Variants in ALG14 observed in about 807,000 individuals in gnomAD.
The protein encoded by ALG14 is ALG14 UDP-N-acetylglucosaminyltransferase subunit, also known as UDP-N-acetylglucosamine transferase subunit ALG14.
A neutral mutation model predicts 22.8 loss-of-function variants in ALG14; 17 were observed. The ratio of observed to expected loss-of-function variants is 0.75; its 90% CI spans 0.51 to 1.12. ALG14 has a LOEUF of 1.12. Ranked by LOEUF, ALG14 falls within the 50% of genes most tolerant of loss-of-function variation. The pLI is 0.00. For missense variants in ALG14, 288 were observed against 271.8 expected, an observed-to-expected ratio of 1.06 and a Z score of -0.42; for synonymous variants, 89 against 103.7, an observed-to-expected ratio of 0.86 and a Z score of 0.86.
chr1:95,063,982 G>C (rs1484803653), intron 2 of ALG14, among the ~76,000 whole-genome samples: 1 of 152,130 alleles, frequency 6.6e-6, no homozygotes, highest in African/African-American at 2.4e-5. Context: ...AGCTCTCCTT[G>C]AAGAGGTCCT....
intron 3 of ALG14, among the ~76,000 whole-genome samples, chr1:95,017,850 C>A (rs1673546667): frequency 6.6e-6 from 1 of 152,158 alleles, no homozygotes; most frequent in South Asian, 2.1e-4. Flanking sequence ...GGCACTGGAG[C>A]TCCAAGGATC....
At chr1:95,068,885 A>C (rs749501804) in intron 1 of ALG14, among the ~76,000 whole-genome samples, 1 of 152,180 alleles carries the variant, frequency 6.6e-6, no homozygotes, top group Non-Finnish European at 1.5e-5. Context: ...CATTTGTTCA[A>C]GTCAGAAACC....
chr1:95,068,867 C>A (rs1243019659), intron 1 of ALG14, among the ~76,000 whole-genome samples: 1 of 152,158 alleles, frequency 6.6e-6, no homozygotes, highest in African/African-American at 2.4e-5. Flanking sequence ...ATGGTTCTAA[C>A]ATCCATCCAT....
At chr1:95,029,931 C>T (rs1191444130) in intron 2 of ALG14, among the ~76,000 whole-genome samples, 1 of 152,126 alleles carries the variant, frequency 6.6e-6, no homozygotes, top group East Asian at 1.9e-4. Context: ...AGCTAAGGTA[C>T]TAAATATTGA....
At chr1:95,070,515 T>C (rs1018253991) in intron 1 of ALG14, among the ~76,000 whole-genome samples, 1 of 152,232 alleles carries the variant, frequency 6.6e-6, no homozygotes, top group Non-Finnish European at 1.5e-5. Context: ...TCAGCATCTC[T>C]GTTCTTGCGT....
In ALG14 at chr1:95,072,869, G is replaced by T. The variant is rs758819071; in HGVS notation, c.30C>A (p.Ala10=). 6.8e-6 allele frequency: 11 copies of T among 1,614,116 alleles called. No individual in the cohort carries two copies. Among genetic ancestry groups the T allele is most frequent in the Non-Finnish European group, 9.3e-6 (11 of 1,180,022 alleles). MVCVLVLAA[A]AGAVAVFLIL... ...TTAGGAAAACCGCCACAGCTCCTGCGGCCGCAGCTAGAACGAGAACGCACA... is the reference window on the plus strand; with the variant it reads ...TTAGGAAAACCGCCACAGCTCCTGCTGCCGCAGCTAGAACGAGAACGCACA... The change falls in exon 1 of 4, where the codon GCC becomes GCA. Residue 10 remains alanine, a synonymous_variant. Coordinates refer to ENST00000370205, the MANE Select transcript of ALG14 (RefSeq NM_144988.4).
chr1:95,042,899 C>A (rs900126514), intron 2 of ALG14, among the ~76,000 whole-genome samples: 6 of 152,152 alleles, frequency 3.9e-5, no homozygotes, highest in Non-Finnish European at 7.4e-5. Flanking sequence ...AATGGACTTG[C>A]AACATCCAGT....
At chr1:95,007,099 T>C (rs1673240098) in intron 3 of ALG14, among the ~76,000 whole-genome samples, 1 of 152,212 alleles carries the variant, frequency 6.6e-6, no homozygotes, top group Non-Finnish European at 1.5e-5. Flanking sequence ...GGATGGTCTG[T>C]CTTAACAATC....
At chr1:95,012,953 T>C (rs1246448536) in intron 3 of ALG14, among the ~76,000 whole-genome samples, 2 of 151,898 alleles carry the variant, frequency 1.3e-5, no homozygotes, top group African/African-American at 4.8e-5. Context: ...GCCAACAAGG[T>C]GAAACCCCTT....
intron 2 of ALG14, among the ~76,000 whole-genome samples, chr1:95,055,790 A>G (rs1674905978): frequency 7.4e-6 from 1 of 134,566 alleles, no homozygotes; most frequent in Admixed American, 8.3e-5. Context: ...CAGCAGATTG[A>G]GACCATCCTG....
In ALG14 at chr1:95,004,288, C is replaced by T. The variant is rs144587499; in HGVS notation, c.421-20982G>A. On this transcript the variant is annotated intron_variant, in intron 3 of 3. Coordinates refer to ENST00000370205, the MANE Select transcript of ALG14 (RefSeq NM_144988.4). ...CCAGGATGGAGTGCAGTGACACGATCTTGGCTCACTGCAACCTCTGCCTCC... is the reference window on the plus strand; with the variant it reads ...CCAGGATGGAGTGCAGTGACACGATTTTGGCTCACTGCAACCTCTGCCTCC... Among the ~76,000 whole-genome samples the T allele has an allele frequency of 3.8e-3, 549 of 143,362 alleles. 4 individuals carry two copies. The highest frequency in any genetic ancestry group is 0.014 in the African/African-American group (526 of 38,114). The allele number at this position is 143,362 out of a possible 152,430, so 94.1% of individuals were successfully genotyped here. A position where few individuals can be genotyped will look rare whatever the true frequency, so the allele number is the denominator to read the frequency against.
chr1:95,037,493 G>C (rs373108573), intron 2 of ALG14, among the ~76,000 whole-genome samples: 1 of 152,318 alleles, frequency 6.6e-6, no homozygotes, highest in African/African-American at 2.4e-5. Context: ...CCTAATGAGA[G>C]AGCTTGGAGC....
At chr1:95,000,674 G>A (rs568990602) in intron 3 of ALG14, among the ~76,000 whole-genome samples, 2 of 148,176 alleles carry the variant, frequency 1.3e-5, no homozygotes, top group East Asian at 4.1e-4. Context: ...AAATTAATCA[G>A]TTCTGTAATA....
Position 94,983,282 on chromosome 1 carries a change from A to G in ALG14, c.445T>C (p.Cys149Arg), listed in dbSNP as rs1328749276. Residue 149 changes from cysteine (C) to arginine (R), a missense_variant, in exon 4 of 4, where the codon TGT (cysteine) becomes CGT (arginine). Coordinates refer to ENST00000370205, the MANE Select transcript of ALG14 (RefSeq NM_144988.4). ...AGGGCAGATACACAGATAGGAACAC[A>G]TGTTCCTGGTCCGTTACACAACACC... The part of the protein sequence containing the change: ...DLVLCNGPGT[C>R]VPICVSALLL... 1 of 1,613,800 alleles carries G rather than the reference A, an allele frequency of 6.2e-7. No individual in the cohort carries two copies. The highest frequency in any genetic ancestry group is 1.1e-5 in the South Asian group (1 of 91,072).
intron 2 of ALG14, among the ~76,000 whole-genome samples, chr1:95,033,596 A>T (rs1674092984): frequency 6.6e-6 from 1 of 152,042 alleles, no homozygotes; most frequent in Non-Finnish European, 1.5e-5. Context: ...CCAAGGTAGA[A>T]ATCAACAAAT....
intron 2 of ALG14, among the ~76,000 whole-genome samples, chr1:95,057,890 G>A (rs1674991781): frequency 1.3e-5 from 2 of 151,878 alleles, no homozygotes; most frequent in Admixed American, 6.6e-5. Context: ...ACTGCTGGAA[G>A]AGAATGGAAT....
At chr1:95,062,913 C>A (rs1675216400) in intron 2 of ALG14, among the ~76,000 whole-genome samples, 1 of 152,238 alleles carries the variant, frequency 6.6e-6, no homozygotes, top group Non-Finnish European at 1.5e-5. Context: ...TACATTCCCA[C>A]CAATACTGTA....
At chr1:94,997,355 C>A (rs544574597) in intron 3 of ALG14, among the ~76,000 whole-genome samples, 1 of 152,316 alleles carries the variant, frequency 6.6e-6, no homozygotes, top group East Asian at 1.9e-4. Context: ...ATCTGGGAGA[C>A]AACTTGCCTG....
chr1:94,985,713 A>T (rs548683784), intron 3 of ALG14, among the ~76,000 whole-genome samples: 149 of 152,358 alleles, frequency 9.8e-4, no homozygotes, highest in Non-Finnish European at 1.7e-3. Flanking sequence ...GGGAAGGGAA[A>T]TGACTGGCAT....
Sources: allele counts gnomAD v4.1 joint callset (sites outside exome capture counted in the v4.1 genomes callset), GRCh38; gene constraint gnomAD v4.1.1; transcripts MANE v1.5; gene names NCBI Gene and HGNC (gene_info 2026-07-23, HGNC 2026-07-21).